PHF21A: variants seen among roughly 807,000 people sequenced by gnomAD.
PHF21A encodes PHD finger protein 21A, also known as BHC80a.
Under a neutral mutation model 82.5 loss-of-function variants are expected in PHF21A, and 11 were observed. The observed-to-expected ratio is 0.13, with a 90% CI of 0.08 to 0.22. PHF21A has a LOEUF of 0.22. PHF21A is among the 10% of genes least tolerant of loss of function. The probability of loss-of-function intolerance (pLI) is 1.00; values close to 1 mark genes in which losing one functional copy is unlikely to be tolerated. For synonymous variants in PHF21A, 297 were observed against 302.8 expected, an observed-to-expected ratio of 0.98 and a Z score of 0.20; for missense variants, 579 against 837.8, an observed-to-expected ratio of 0.69 and a Z score of 3.81.
chr11:46,114,851 G>C (rs2097268815), intron 1 of PHF21A, among the ~76,000 whole-genome samples: 1 of 152,136 alleles, frequency 6.6e-6, no homozygotes, highest in African/African-American at 2.4e-5. Context: ...CTGACAGTTT[G>C]TATTCTCAAT....
intron 6 of PHF21A, among the ~76,000 whole-genome samples, chr11:46,032,479 GT>G (rs200356197): frequency 8.1e-6 from 1 of 123,300 alleles, no homozygotes; most frequent in Admixed American, 1.1e-4. Context: ...TACACCAAAT[GT>G]TTTTTTCAAT....
At chr11:45,935,851 G>A in intron 17 of PHF21A, 112 bp from the exon 18 acceptor site, 2 of 645,214 alleles carry the variant, frequency 3.1e-6, no homozygotes, top group East Asian at 2.7e-5. Flanking sequence ...GAGCTCCCAT[G>A]AGTCCTACAA....
At chr11:46,108,750 G>A (rs1364406848) in intron 1 of PHF21A, among the ~76,000 whole-genome samples, 2 of 151,938 alleles carry the variant, frequency 1.3e-5, no homozygotes, top group South Asian at 2.1e-4. Flanking sequence ...ACTCTAAAAC[G>A]TTGATCGTTA....
At chr11:46,026,540 T>C (rs1785829434) in intron 6 of PHF21A, among the ~76,000 whole-genome samples, 1 of 152,198 alleles carries the variant, frequency 6.6e-6, no homozygotes, top group South Asian at 2.1e-4. Context: ...TAGCTACCTC[T>C]TCTCTACCCT....
intron 6 of PHF21A, among the ~76,000 whole-genome samples, chr11:46,040,902 C>T (rs2096122558): frequency 7.0e-6 from 1 of 142,502 alleles, no homozygotes; most frequent in South Asian, 2.3e-4. Context: ...CACACACACA[C>T]ACACACACAC....
intron 6 of PHF21A, among the ~76,000 whole-genome samples, chr11:46,055,291 C>T (rs575032799): frequency 6.6e-6 from 1 of 152,110 alleles, no homozygotes; most frequent in South Asian, 2.1e-4. Flanking sequence ...TTCATGAAAA[C>T]AACTTGGTTT....
intron 6 of PHF21A, among the ~76,000 whole-genome samples, chr11:46,051,504 G>A (rs145770442): frequency 3.8e-4 from 58 of 152,232 alleles, no homozygotes; most frequent in African/African-American, 1.1e-3. Context: ...CTGGGGCCTC[G>A]AGAGATAAAT....
intron 6 of PHF21A, among the ~76,000 whole-genome samples, chr11:46,023,824 C>A (rs1050385338): frequency 6.6e-6 from 1 of 152,050 alleles, no homozygotes; most frequent in Non-Finnish European, 1.5e-5. Flanking sequence ...GGTGTGGTGG[C>A]GGGTGCCTAT....
rs773558284 is a variant in PHF21A, at chr11:46,096,620, T to C, written c.-236-4397A>G. On this transcript the variant is annotated intron_variant, in intron 1 of 18. Coordinates refer to ENST00000676320, the MANE Select transcript of PHF21A (RefSeq NM_001352027.3). ...CTCTTGATTTTCTTTCCCAACTCTC[T>C]GGCTACTCTCTTTGGTTTCTTTTGC... 7.9e-5 allele frequency among the ~76,000 whole-genome samples: 12 copies of C among 152,282 alleles called. No individual in the cohort carries two copies. The South Asian group carries it at 8.3e-4, about 11-fold the overall frequency.
At chr11:46,092,974 C>A (rs1368779559) in intron 1 of PHF21A, among the ~76,000 whole-genome samples, 2 of 152,062 alleles carry the variant, frequency 1.3e-5, no homozygotes, top group African/African-American at 4.8e-5. Flanking sequence ...AAGCTGGTAT[C>A]AAACCCCTGG....
intron 6 of PHF21A, among the ~76,000 whole-genome samples, chr11:46,009,751 T>G (rs562659488): frequency 6.6e-6 from 1 of 152,318 alleles, no homozygotes; most frequent in South Asian, 2.1e-4. Flanking sequence ...CACTGCACAA[T>G]ACAATTAATA....
At chr11:46,078,456 C>T (rs949453477) in intron 5 of PHF21A, among the ~76,000 whole-genome samples, 1 of 151,916 alleles carries the variant, frequency 6.6e-6, no homozygotes, top group Non-Finnish European at 1.5e-5. Context: ...AGAGACAATG[C>T]CCAATAATAA....
At chr11:46,059,011 C>T (rs575753684) in intron 6 of PHF21A, among the ~76,000 whole-genome samples, 64 of 152,150 alleles carry the variant, frequency 4.2e-4, no homozygotes, top group Non-Finnish European at 6.6e-4. Flanking sequence ...CAGGGTCACC[C>T]AAGATGCCCT....
Position 46,096,952 on chromosome 11 carries a change from C to A in PHF21A, c.-236-4729G>T, listed in dbSNP as rs149934794. ...CCATCTCAGTAAATGGTAACTCCAC[C>A]CCCTCAGAAGAAAAAATCCTAAAAG... On this transcript the variant is annotated intron_variant, in intron 1 of 18. Coordinates refer to ENST00000676320, the MANE Select transcript of PHF21A (RefSeq NM_001352027.3). 3.5e-3 allele frequency among the ~76,000 whole-genome samples: 533 copies of A among 152,270 alleles called. 3 individuals are homozygous for A. Among genetic ancestry groups the A allele is most frequent in the African/African-American group, 0.012 (499 of 41,558 alleles).
chr11:45,943,200 G>A (rs1167702203), intron 15 of PHF21A, among the ~76,000 whole-genome samples: 4 of 140,854 alleles, frequency 2.8e-5, no homozygotes, highest in Non-Finnish European at 6.0e-5. Flanking sequence ...ATGGCTCACT[G>A]CAGCCTCAGC....
intron 9 of PHF21A, among the ~76,000 whole-genome samples, chr11:45,967,721 T>A (rs1421868964): frequency 6.6e-6 from 1 of 152,178 alleles, no homozygotes; most frequent in African/African-American, 2.4e-5. Flanking sequence ...AGTAGACTGG[T>A]GCCAAGTGTG....
At chr11:45,943,183 C>T (rs946288586) in intron 15 of PHF21A, among the ~76,000 whole-genome samples, 3 of 134,378 alleles carry the variant, frequency 2.2e-5, no homozygotes, top group African/African-American at 8.3e-5. Context: ...AGTGCAGTGG[C>T]GCAATCATGG....
chr11:46,039,842 A>T (rs767582159), intron 6 of PHF21A, among the ~76,000 whole-genome samples: 2 of 152,222 alleles, frequency 1.3e-5, no homozygotes, highest in Non-Finnish European at 1.5e-5. Context: ...TTTCCCTAAG[A>T]TTAAAAATAT....
At chr11:46,063,797 C>A (rs2096563686) in intron 6 of PHF21A, among the ~76,000 whole-genome samples, 1 of 152,128 alleles carries the variant, frequency 6.6e-6, no homozygotes, top group Non-Finnish European at 1.5e-5. Context: ...TTAGGGGCAG[C>A]ACTTTTGATA....
Sources: allele counts gnomAD v4.1 joint callset (sites outside exome capture counted in the v4.1 genomes callset), GRCh38; gene constraint gnomAD v4.1.1; transcripts MANE v1.5; gene names NCBI Gene and HGNC (gene_info 2026-07-23, HGNC 2026-07-21).